Variants in PTPN14 observed in about 807,000 individuals in gnomAD.
PTPN14 encodes protein tyrosine phosphatase non-receptor type 14.
A neutral mutation model predicts 126.8 loss-of-function variants in PTPN14; 53 were observed. The ratio of observed to expected loss-of-function variants is 0.42; its 90% CI spans 0.34 to 0.53. PTPN14 has a LOEUF of 0.53. PTPN14 is among the 20% of genes least tolerant of loss of function. The pLI is 0.08. For synonymous variants in PTPN14, 630 were observed against 599.3 expected (o/e 1.05, Z -0.75); for missense variants, 1,257 against 1,552.9 (o/e 0.81, Z 3.20).
intron 13 of PTPN14, among the ~76,000 whole-genome samples, chr1:214,378,624 G>T (rs2102530174): frequency 6.6e-6 from 1 of 152,328 alleles, no homozygotes; most frequent in Middle Eastern, 3.4e-3. Flanking sequence ...CTAATGCTGA[G>T]GACGTTAATT....
intron 3 of PTPN14, among the ~76,000 whole-genome samples, chr1:214,419,700 G>A (rs951392648): frequency 2.0e-5 from 3 of 152,038 alleles, no homozygotes; most frequent in Admixed American, 6.6e-5. Context: ...AAAAAAAGAG[G>A]GAAAAGAGAC....
chr1:214,410,582 C>T (rs994965555), intron 5 of PTPN14, among the ~76,000 whole-genome samples: 3 of 152,266 alleles, frequency 2.0e-5, no homozygotes, highest in Admixed American at 6.5e-5. Context: ...TGAGCCACCG[C>T]GCCTGGCCAC....
At chr1:214,465,869 T>C (rs1173207677) in intron 1 of PTPN14, among the ~76,000 whole-genome samples, 4 of 89,908 alleles carry the variant, frequency 4.4e-5, no homozygotes, top group Non-Finnish European at 6.7e-5. Flanking sequence ...TTTACTTTTA[T>C]TTTCATGTCT....
chr1:214,474,135 T>C (rs1403255972), intron 1 of PTPN14, among the ~76,000 whole-genome samples: 1 of 152,224 alleles, frequency 6.6e-6, no homozygotes, highest in Non-Finnish European at 1.5e-5. Context: ...TAAAGCTGTA[T>C]GTGAAATTGG....
At chr1:214,458,044 GAGAGAGAGAGAT>G (rs58175981) in intron 2 of PTPN14, among the ~76,000 whole-genome samples, 2,368 of 151,174 alleles carry the variant, frequency 0.016, 53 homozygotes, top group African/African-American at 0.054. Flanking sequence ...TACCTAGAGA[GAGAGAGAGAGAT>G]AGAGAGAGAG....
intron 18 of PTPN14, among the ~76,000 whole-genome samples, chr1:214,362,218 T>G (rs946843174): frequency 6.6e-6 from 1 of 152,148 alleles, no homozygotes; most frequent in Non-Finnish European, 1.5e-5. Context: ...GGAGAGCATT[T>G]CTCCCCGCTA....
At chr1:214,427,756 C>T (rs1659700426) in intron 3 of PTPN14, among the ~76,000 whole-genome samples, 2 of 151,886 alleles carry the variant, frequency 1.3e-5, no homozygotes. Context: ...AAAGGTTTCT[C>T]TAATAAAAGC....
chr1:214,550,304 T>C (rs1017002479), intron 1 of PTPN14, among the ~76,000 whole-genome samples: 1 of 152,194 alleles, frequency 6.6e-6, no homozygotes, highest in African/African-American at 2.4e-5. Flanking sequence ...TGCCCGCACC[T>C]GCAGTCTAGA....
chr1:214,483,290 C>G, intron 1 of PTPN14: 1 of 1,613,692 alleles, frequency 6.2e-7, no homozygotes, highest in Non-Finnish European at 8.5e-7. Flanking sequence ...GAAAGTCTCC[C>G]TGATGATTTG....
At chr1:214,373,558 AACACACACACACACACACACACACACAC>A (rs10562157) in intron 15 of PTPN14, among the ~76,000 whole-genome samples, 86 of 138,688 alleles carry the variant, frequency 6.2e-4, no homozygotes, top group Non-Finnish European at 1.2e-3. Flanking sequence ...ATTTCATTGA[AACACACACACACACACACACACACACAC>A]ACACACACAC....
At chr1:214,380,980 T>A (rs779313349) in intron 13 of PTPN14, among the ~76,000 whole-genome samples, 15 of 151,766 alleles carry the variant, frequency 9.9e-5, no homozygotes, top group Non-Finnish European at 1.9e-4. Flanking sequence ...GAAAAAAAAA[T>A]CAACAGGGAA....
chr1:214,373,329 C>A (rs1158719726), intron 15 of PTPN14, among the ~76,000 whole-genome samples: 1 of 152,200 alleles, frequency 6.6e-6, no homozygotes, highest in Admixed American at 6.5e-5. Flanking sequence ...GCTGGGATTA[C>A]AGGCCTGAGC....
intron 1 of PTPN14, chr1:214,532,808 T>A (rs934252818): frequency 1.1e-6 from 1 of 875,126 alleles, no homozygotes; most frequent in Non-Finnish European, 1.9e-6. Flanking sequence ...AAGGAGGAGC[T>A]GCTCTTCATG....
Position 214,538,696 on chromosome 1 carries a change from CCCAG to C in PTPN14, c.-155+12483_-155+12486del, listed in dbSNP as rs566119915. Among the ~76,000 whole-genome samples, 157 of 152,264 alleles carry C rather than the reference CCCAG, an allele frequency of 1.0e-3. 1 individual carries two copies. The highest frequency in any genetic ancestry group is 3.7e-3 in the African/African-American group (153 of 41,548). ...TAAAGCTCTCAGTGGCTTACAACTC[CCCAG>C]CCTGCTTGCTTGCTTGCTTCTTGGC... is the stretch of plus-strand genomic sequence containing the variant. On this transcript the variant is annotated intron_variant, in intron 1 of 18. Transcript: ENST00000366956.
intron 5 of PTPN14, among the ~76,000 whole-genome samples, chr1:214,404,498 T>G (rs995816762): frequency 1.3e-5 from 2 of 152,176 alleles, no homozygotes; most frequent in African/African-American, 2.4e-5. Flanking sequence ...CCCATTAATT[T>G]TGAAAAGCTA....
intron 1 of PTPN14, among the ~76,000 whole-genome samples, chr1:214,506,272 C>T (rs1654841592): frequency 6.6e-6 from 1 of 152,096 alleles, no homozygotes; most frequent in South Asian, 2.1e-4. Context: ...TGGGAGGCCA[C>T]AGTGGGAGGA....
In PTPN14 at chr1:214,350,584, A is replaced by C. The variant is rs1253192885; in HGVS notation, c.*7338T>G. ...GAGACAAAGTCTCACTCTGTTGCCCAGGCTGGAGTGCAGTGGCATGATCTC... is the reference window on the plus strand; with the variant it reads ...GAGACAAAGTCTCACTCTGTTGCCCCGGCTGGAGTGCAGTGGCATGATCTC... On this transcript the variant is annotated 3_prime_UTR_variant, in exon 19 of 19. Transcript: ENST00000366956. 2 of 121,926 alleles carry C rather than the reference A, an allele frequency of 1.6e-5. No individual in the cohort carries two copies. Among genetic ancestry groups the C allele is most frequent in the Non-Finnish European group, 3.2e-5 (2 of 62,950 alleles). 7.6% of individuals were successfully genotyped at this position (121,926 alleles called of 1,614,324 possible).
chr1:214,460,403 T>TACAAACACACACAC, intron 2 of PTPN14, among the ~76,000 whole-genome samples: 1 of 150,370 alleles, frequency 6.7e-6, no homozygotes, highest in Non-Finnish European at 1.5e-5. Context: ...TACACACACA[T>TACAAACACACACAC]ACACAACACA....
At chr1:214,365,184 T>C (rs1300080287) in intron 17 of PTPN14, among the ~76,000 whole-genome samples, 1 of 152,220 alleles carries the variant, frequency 6.6e-6, no homozygotes, top group Non-Finnish European at 1.5e-5. Flanking sequence ...GACTTCATTT[T>C]TGGGTTTTAA....
Sources: gnomAD v4.1 joint callset for allele counts (sites outside exome capture counted in the v4.1 genomes callset) on GRCh38, gnomAD v4.1.1 for gene constraint, MANE v1.5 for transcripts, NCBI Gene and HGNC (gene_info 2026-07-23, HGNC 2026-07-21) for gene names.